BNC2: variants seen among roughly 807,000 people sequenced by gnomAD.
BNC2 encodes zinc finger protein basonuclin-2.
In BNC2, 20 loss-of-function variants were observed where a neutral mutation model predicts 76.3. That is an observed-to-expected ratio of 0.26 (90% CI 0.18 to 0.38). The LOEUF (loss-of-function observed/expected upper bound fraction) is 0.38, where lower values mean the gene tolerates loss of function less well. Among genes scored for constraint, BNC2 ranks in the 10% least tolerant of loss-of-function variants. The pLI is 1.00. For synonymous variants in BNC2, 582 were observed against 514.8 expected (o/e 1.13, Z -1.77); for missense variants, 1,382 against 1,399.8 (o/e 0.99, Z 0.20).
At chr9:16,711,611 C>G (rs1489103462) in intron 3 of BNC2, among the ~76,000 whole-genome samples, 1 of 152,200 alleles carries the variant, frequency 6.6e-6, no homozygotes, top group Non-Finnish European at 1.5e-5. Flanking sequence ...CATGTCTGAG[C>G]TTAATGCAAA....
intron 3 of BNC2, among the ~76,000 whole-genome samples, chr9:16,625,429 A>G (rs1820966794): frequency 6.6e-6 from 1 of 152,076 alleles, no homozygotes; most frequent in Non-Finnish European, 1.5e-5. Context: ...CATTAACCTT[A>G]ATTTCTTCTA....
intron 5 of BNC2, among the ~76,000 whole-genome samples, chr9:16,463,954 G>C (rs1253785698): frequency 6.6e-6 from 1 of 151,862 alleles, no homozygotes; most frequent in Non-Finnish European, 1.5e-5. Context: ...AAATTGGCCA[G>C]GCTTGGTGGT....
chr9:16,614,856 C>A (rs1314949520), intron 3 of BNC2, among the ~76,000 whole-genome samples: 3 of 151,210 alleles, frequency 2.0e-5, no homozygotes. Flanking sequence ...CTTGGGAAGT[C>A]GAGGTGGAAA....
Position 16,788,897 on chromosome 9 carries a change from C to T in BNC2, c.4-50412G>A, listed in dbSNP as rs147111817. Reference sequence around the variant, plus strand: ...TCTAGATTCCCCACCTTAGTTGAAACGAATTCCACCTCCTACCTCAAACCA... The same window carrying T: ...TCTAGATTCCCCACCTTAGTTGAAATGAATTCCACCTCCTACCTCAAACCA... On this transcript the variant is annotated intron_variant, in intron 1 of 6. Transcript: ENST00000380672. Among the ~76,000 whole-genome samples the T allele has an allele frequency of 3.2e-4, 48 of 152,226 alleles. 3 individuals are homozygous for T. Among genetic ancestry groups the T allele is most frequent in the African/African-American group, 1.0e-3 (43 of 41,554 alleles).
intron 1 of BNC2, among the ~76,000 whole-genome samples, chr9:16,808,659 T>C (rs550260047): frequency 2.0e-5 from 3 of 151,790 alleles, no homozygotes; most frequent in Non-Finnish European, 2.9e-5. Flanking sequence ...TGACCAATGT[T>C]TTTTTGTAGA....
chr9:16,574,238 A>C (rs1231487412), intron 4 of BNC2, among the ~76,000 whole-genome samples: 1 of 152,192 alleles, frequency 6.6e-6, no homozygotes, highest in Admixed American at 6.5e-5. Flanking sequence ...GATCGTTAGC[A>C]AGATATAAAA....
chr9:16,437,502 T>C lies in BNC2; in HGVS notation c.692A>G (p.Asp231Gly), dbSNP rs1821043365. The change falls in exon 6 of 7, where the codon GAC becomes GGC. Residue 231 changes from aspartate to glycine, a missense_variant. By Grantham distance (94) the Asp-to-Gly change is moderately conservative. Around this residue, in one of 3 missense-constraint regions of BNC2, gnomAD observed 557 missense variants for 540.9 expected, o/e 1.03. Transcript: ENST00000380672. Reference protein sequence around the residue: ...ILQDAAGKVLDRWAIMSREEE... With the variant: ...ILQDAAGKVLGRWAIMSREEE... ...TTCTCGAGACATGATGGCCCAGCGG[T>C]CCAGCACCTTGCCAGCAGCATCCTA... is the stretch of plus-strand genomic sequence containing the variant. 6.2e-7 allele frequency: 1 copy of C among 1,612,992 alleles called. No homozygotes were observed. Among genetic ancestry groups the C allele is most frequent in the African/African-American group, 1.3e-5 (1 of 74,878 alleles).
At chr9:16,719,798 A>T (rs1231732371) in intron 3 of BNC2, among the ~76,000 whole-genome samples, 1 of 152,160 alleles carries the variant, frequency 6.6e-6, no homozygotes, top group Non-Finnish European at 1.5e-5. Flanking sequence ...TACTGGTCCT[A>T]CCATCATTTC....
In BNC2 at chr9:16,821,601, A is replaced by G. The variant is rs191449714; in HGVS notation, c.3+49045T>C. ...AGTGTAAACAGCAAGAGGTTACAAC[A>G]TATCAGGCTAAACTGTAGAAGTTGC... is the stretch of plus-strand genomic sequence containing the variant. On this transcript the variant is annotated intron_variant, in intron 1 of 6. Coordinates refer to ENST00000380672, the MANE Select transcript of BNC2 (RefSeq NM_017637.6). Among the ~76,000 whole-genome samples the G allele has an allele frequency of 4.4e-3, 677 of 152,304 alleles. 5 individuals carry two copies. Among genetic ancestry groups the G allele is most frequent in the African/African-American group, 0.015 (623 of 41,578 alleles).
At chr9:16,816,497 A>G (rs2135904293) in intron 1 of BNC2, among the ~76,000 whole-genome samples, 2 of 152,286 alleles carry the variant, frequency 1.3e-5, no homozygotes, top group East Asian at 3.9e-4. Flanking sequence ...AAACCTCCAA[A>G]TTTTTCTGCT....
intron 1 of BNC2, among the ~76,000 whole-genome samples, chr9:16,781,956 T>C (rs1826165435): frequency 6.6e-6 from 1 of 152,104 alleles, no homozygotes; most frequent in Non-Finnish European, 1.5e-5. Flanking sequence ...ACAAGTAAGA[T>C]TATCTATATA....
chr9:16,759,113 C>T (rs1055721693), intron 1 of BNC2, among the ~76,000 whole-genome samples: 2 of 152,020 alleles, frequency 1.3e-5, no homozygotes, highest in Non-Finnish European at 2.9e-5. Flanking sequence ...CACCAAAAAC[C>T]AACGTACAGA....
intron 3 of BNC2, among the ~76,000 whole-genome samples, chr9:16,685,320 T>C (rs777400388): frequency 6.6e-6 from 1 of 152,212 alleles, no homozygotes; most frequent in Non-Finnish European, 1.5e-5. Context: ...ACCATGTACT[T>C]ACTACAGTAT....
At chr9:16,831,027 G>A (rs1030968396) in intron 1 of BNC2, among the ~76,000 whole-genome samples, 14 of 152,178 alleles carry the variant, frequency 9.2e-5, no homozygotes, top group African/African-American at 3.1e-4. Context: ...CAACGAAAAC[G>A]TCATTATTTC....
chr9:16,783,194 A>G, intron 1 of BNC2, among the ~76,000 whole-genome samples: 1 of 152,066 alleles, frequency 6.6e-6, no homozygotes, highest in Non-Finnish European at 1.5e-5. Flanking sequence ...ATTATACCAC[A>G]TTTCCTGAAC....
chr9:16,512,023 TTTTA>T lies in BNC2; in HGVS notation c.669+40503_669+40506del, dbSNP rs1470635402. On this transcript the variant is annotated intron_variant, in intron 5 of 6. Coordinates refer to ENST00000380672, the MANE Select transcript of BNC2 (RefSeq NM_017637.6). ...AATCAAAAATTTATGTGAAACCTAC[TTTTA>T]TTTGTTTGAATCAAGCGATTAATCT... Among the ~76,000 whole-genome samples, 14 of 152,354 alleles carry T rather than the reference TTTTA, an allele frequency of 9.2e-5. No homozygotes were observed. The South Asian group carries it at 1.7e-3, about 18-fold the overall frequency.
chr9:16,627,517 A>G (rs1168804330), intron 3 of BNC2, among the ~76,000 whole-genome samples: 1 of 152,194 alleles, frequency 6.6e-6, no homozygotes, highest in Non-Finnish European at 1.5e-5. Context: ...GCACAATACC[A>G]GGATTGAGCA....
intron 1 of BNC2, among the ~76,000 whole-genome samples, chr9:16,761,937 TA>T (rs1269093542): frequency 6.6e-6 from 1 of 152,116 alleles, no homozygotes; most frequent in Non-Finnish European, 1.5e-5. Context: ...GTAACAGAAG[TA>T]AAATTTATCA....
chr9:16,437,303 G>C lies in BNC2; in HGVS notation c.891C>G (p.Leu297=), dbSNP rs747877766. The C allele has an allele frequency of 1.1e-5, 18 of 1,614,064 alleles. No homozygotes were observed. The highest frequency in any genetic ancestry group is 1.6e-4 in the Middle Eastern group (1 of 6,084). ...GATTGCTGTTCTCTAAGTGAGCAAGGAGGCTGGGACTCCTGGTGCGATTAT... is the reference window on the plus strand; with the variant it reads ...GATTGCTGTTCTCTAAGTGAGCAAGCAGGCTGGGACTCCTGGTGCGATTAT... ...ESNNRTRSPS[L]LAHLENSNPS... Residue 297 remains leucine, a synonymous_variant, in exon 6 of 7, where the codon CTC becomes CTG. Transcript: ENST00000380672.
Sources: gnomAD v4.1 joint callset for allele counts (sites outside exome capture counted in the v4.1 genomes callset) on GRCh38, gnomAD v4.1.1 for gene constraint, gnomAD v4.1.1 regional missense constraint, MANE v1.5 for transcripts, NCBI Gene and HGNC (gene_info 2026-07-23, HGNC 2026-07-21) for gene names.